Variants in CAMTA1 observed in about 807,000 individuals in gnomAD.
CAMTA1 encodes calmodulin binding transcription activator 1.
A neutral mutation model predicts 170.9 loss-of-function variants in CAMTA1; 27 were observed. The observed-to-expected ratio is 0.16, with a 90% CI of 0.12 to 0.22. CAMTA1 has a LOEUF of 0.22. Among genes scored for constraint, CAMTA1 ranks in the 10% least tolerant of loss-of-function variants. The pLI is 1.00. For synonymous variants in CAMTA1, 833 were observed against 891.5 expected (o/e 0.93, Z 1.17); for missense variants, 1,619 against 2,217.2 (o/e 0.73, Z 5.42).
chr1:7,553,416 T>C (rs775965930), intron 6 of CAMTA1, among the ~76,000 whole-genome samples: 1 of 152,172 alleles, frequency 6.6e-6, no homozygotes, highest in Non-Finnish European at 1.5e-5. Context: ...CCATCAGCTG[T>C]GTATTGAGTG....
intron 3 of CAMTA1, among the ~76,000 whole-genome samples, chr1:6,827,461 T>C (rs1016683320): frequency 5.3e-5 from 8 of 152,188 alleles, no homozygotes; most frequent in Admixed American, 1.3e-4. Flanking sequence ...TAGAGGAATA[T>C]TAAGTGTGAC....
At chr1:7,029,829 T>C (rs1021918226) in intron 3 of CAMTA1, among the ~76,000 whole-genome samples, 1 of 152,244 alleles carries the variant, frequency 6.6e-6, no homozygotes, top group Non-Finnish European at 1.5e-5. Flanking sequence ...TAAACTCATT[T>C]TATGTTAACA....
rs1374103177 is a variant in CAMTA1, at chr1:7,195,239, C to T, written c.303-54252C>T. ...CCTTGCAGGCATATGGCAGCTCCCACGTTCTCACACCATTCGACATTTGGG... is the reference window on the plus strand; with the variant it reads ...CCTTGCAGGCATATGGCAGCTCCCATGTTCTCACACCATTCGACATTTGGG... On this transcript the variant is annotated intron_variant, in intron 4 of 22. Coordinates refer to ENST00000303635, the MANE Select transcript of CAMTA1 (RefSeq NM_015215.4). This position sits in a 1 kb window ranked among gnomAD's most constrained non-coding sequence, Gnocchi z 4.1. Among the ~76,000 whole-genome samples, 2 of 152,220 alleles carry T rather than the reference C, an allele frequency of 1.3e-5. No homozygotes were observed. Among genetic ancestry groups the T allele is most frequent in the South Asian group, 2.1e-4 (1 of 4,834 alleles).
chr1:7,430,210 T>C (rs1202982283), intron 5 of CAMTA1, among the ~76,000 whole-genome samples: 1 of 151,000 alleles, frequency 6.6e-6, no homozygotes, highest in Non-Finnish European at 1.5e-5. Context: ...ACATGGATGA[T>C]GGTGATTATG....
chr1:6,814,949 G>A (rs1177170637), intron 1 of CAMTA1, among the ~76,000 whole-genome samples: 3 of 152,062 alleles, frequency 2.0e-5, no homozygotes, highest in African/African-American at 7.2e-5. Flanking sequence ...GAATGTGCCT[G>A]TGTGTAACAT....
Position 7,664,534 on chromosome 1 carries a change from G to A in CAMTA1, c.1987G>A (p.Glu663Lys). The A allele has an allele frequency of 6.2e-7, 1 of 1,613,262 alleles. No homozygotes were observed. Among genetic ancestry groups the A allele is most frequent in the Non-Finnish European group, 8.5e-7 (1 of 1,180,044 alleles). Residue 663 changes from glutamate (E) to lysine (K), a missense_variant, in exon 9 of 23, where the codon GAG becomes AAG. Transcript: ENST00000303635. ...SQTSSCSGHV[E>K]TRIESTSSLH... ...AACCAGCTCCTGCAGCGGTCACGTGGAGACGCGGATCGAGTCCACTTCCTC... is the reference window on the plus strand; with the variant it reads ...AACCAGCTCCTGCAGCGGTCACGTGAAGACGCGGATCGAGTCCACTTCCTC...
intron 3 of CAMTA1, among the ~76,000 whole-genome samples, chr1:6,905,329 G>A (rs2149240295): frequency 6.6e-6 from 1 of 151,956 alleles, no homozygotes; most frequent in South Asian, 2.1e-4. Context: ...GAGTAGGTAG[G>A]ATTATAGGTG....
intron 4 of CAMTA1, among the ~76,000 whole-genome samples, chr1:7,175,412 A>G (rs1014740193): frequency 6.6e-6 from 1 of 152,232 alleles, no homozygotes; most frequent in African/African-American, 2.4e-5. Context: ...AGAAAGCCAG[A>G]GTATCTTGTT....
rs115844303 is a variant in CAMTA1 at position 6,970,849 on chromosome 1, C to T, written c.235-120455C>T. Among the ~76,000 whole-genome samples, 1,127 of 152,190 alleles carry T rather than the reference C, an allele frequency of 7.4e-3. 12 individuals are homozygous for T. The highest frequency in any genetic ancestry group is 0.025 in the African/African-American group (1,056 of 41,518). On this transcript the variant is annotated intron_variant, in intron 3 of 22. Coordinates refer to ENST00000303635, the MANE Select transcript of CAMTA1 (RefSeq NM_015215.4). This position sits in a 1 kb window ranked among gnomAD's most constrained non-coding sequence, Gnocchi z 4.4. The stretch of plus-strand genomic sequence containing the variant: ...CAGGAGAATGAACAGCCAGGTGTTC[C>T]CTGAGGCCAGTGGTAGTGTCTGCAT...
At chr1:7,450,792 C>T (rs566679815) in intron 5 of CAMTA1, among the ~76,000 whole-genome samples, 11 of 152,292 alleles carry the variant, frequency 7.2e-5, no homozygotes, top group Middle Eastern at 3.4e-3. Context: ...TTCTGGAGCC[C>T]GCGGACCCAT....
At chr1:6,868,245 G>A (rs894312497) in intron 3 of CAMTA1, among the ~76,000 whole-genome samples, 16 of 151,724 alleles carry the variant, frequency 1.1e-4, no homozygotes, top group Non-Finnish European at 1.6e-4. Context: ...GGAGGCGGAG[G>A]CAGCAGTGAG....
chr1:6,802,905 C>G (rs557362718), intron 1 of CAMTA1, among the ~76,000 whole-genome samples: 14 of 152,278 alleles, frequency 9.2e-5, no homozygotes, highest in African/African-American at 3.4e-4. Context: ...CCACAACGCC[C>G]GGCTGATTTT....
intron 3 of CAMTA1, among the ~76,000 whole-genome samples, chr1:6,839,379 T>TA (rs1370940088): frequency 2.0e-5 from 3 of 151,478 alleles, no homozygotes; most frequent in South Asian, 4.2e-4. Flanking sequence ...GAGACTCTCT[T>TA]AAAAAAACAA....
chr1:6,837,787 A>AT (rs201999346), intron 3 of CAMTA1, among the ~76,000 whole-genome samples: 4 of 152,138 alleles, frequency 2.6e-5, no homozygotes, highest in Admixed American at 6.5e-5. Flanking sequence ...TATTAATCAA[A>AT]TTTTTTTGTA....
rs2096084196 is a variant in CAMTA1, at chr1:7,673,839, CT to C, written c.2779+2803del. Among the ~76,000 whole-genome samples the C allele has an allele frequency of 6.6e-6, 1 of 152,238 alleles. No individual in the cohort carries two copies. The highest frequency in any genetic ancestry group is 1.5e-5 in the Non-Finnish European group (1 of 68,050). ...TTGCCAAATAACTTTTGAGTAGCCC[CT>C]GCTTGCTCTGCACAGAGTAGGGGCC... On this transcript the variant is annotated intron_variant, in intron 10 of 22. Transcript: ENST00000303635. This position sits in a 1 kb window ranked among gnomAD's most constrained non-coding sequence, Gnocchi z 4.6.
intron 4 of CAMTA1, among the ~76,000 whole-genome samples, chr1:7,239,070 A>AT (rs1276704837): frequency 6.6e-6 from 1 of 152,146 alleles, no homozygotes. Flanking sequence ...TCTTGTTATT[A>AT]TACCATGGTC....
chr1:6,969,674 T>A lies in CAMTA1; in HGVS notation c.235-121630T>A, dbSNP rs372271669. On this transcript the variant is annotated intron_variant, in intron 3 of 22. Transcript: ENST00000303635. ...TGCAGGCTCTGTGTCTTCCCATATTTACAAAATAAAGGTTGGATGGGTGTT... is the reference window on the plus strand; with the variant it reads ...TGCAGGCTCTGTGTCTTCCCATATTAACAAAATAAAGGTTGGATGGGTGTT... Among the ~76,000 whole-genome samples the A allele has an allele frequency of 1.6e-3, 240 of 152,322 alleles. 2 individuals carry two copies. The highest frequency in any genetic ancestry group is 5.6e-3 in the African/African-American group (234 of 41,574).
chr1:7,284,156 CTTCTTCTTCTTCTTCTTCTTCTTA>C (rs1283133177), intron 5 of CAMTA1, among the ~76,000 whole-genome samples: 52 of 114,786 alleles, frequency 4.5e-4, no homozygotes, highest in Non-Finnish European at 5.1e-4. Flanking sequence ...TCTTCTTCTT[CTTCTTCTTCTTCTTCTTCTTCTTA>C]TTATTATTAT....
At chr1:6,961,725 G>A (rs1488020075) in intron 3 of CAMTA1, among the ~76,000 whole-genome samples, 1 of 152,110 alleles carries the variant, frequency 6.6e-6, no homozygotes, top group Admixed American at 6.5e-5. Flanking sequence ...ATTCATTCTC[G>A]GTCTCCAAAG....
Sources: allele counts gnomAD v4.1 joint callset (sites outside exome capture counted in the v4.1 genomes callset), GRCh38; gene constraint gnomAD v4.1.1; non-coding constraint Gnocchi (gnomAD v3.1); transcripts MANE v1.5; gene names NCBI Gene and HGNC (gene_info 2026-07-23, HGNC 2026-07-21).